FSTL4: variants seen among roughly 807,000 people sequenced by gnomAD.
FSTL4 encodes follistatin like 4, also known as follistatin-related protein 4.
Under a neutral mutation model 78.2 loss-of-function variants are expected in FSTL4, and 28 were observed. The observed-to-expected ratio is 0.36, with a 90% confidence interval of 0.27 to 0.49. The LOEUF (loss-of-function observed/expected upper bound fraction) is 0.49, where lower values mean the gene tolerates loss of function less well. Among genes scored for constraint, FSTL4 ranks in the 20% least tolerant of loss-of-function variants. The pLI, the probability that FSTL4 is intolerant of heterozygous loss-of-function variation, is 0.98. For synonymous variants in FSTL4, 422 were observed against 440.5 expected, an observed-to-expected ratio of 0.96 and a Z score of 0.53; for missense variants, 922 against 1,084.9, an observed-to-expected ratio of 0.85 and a Z score of 2.11.
At chr5:133,207,680 G>C (rs1750568720) in intron 14 of FSTL4, among the ~76,000 whole-genome samples, 1 of 152,168 alleles carries the variant, frequency 6.6e-6, no homozygotes, top group African/African-American at 2.4e-5. Context: ...GTCTCACTCT[G>C]TCACCCAGGC....
chr5:133,299,224 C>A (rs568036679), intron 6 of FSTL4, among the ~76,000 whole-genome samples: 2 of 152,294 alleles, frequency 1.3e-5, no homozygotes, highest in South Asian at 4.1e-4. Context: ...AGATCAATTA[C>A]CTCTCCTGAC....
At chr5:133,308,450 C>T (rs531893447) in intron 6 of FSTL4, among the ~76,000 whole-genome samples, 1 of 152,308 alleles carries the variant, frequency 6.6e-6, no homozygotes, top group East Asian at 1.9e-4. Context: ...TGTCTGAACT[C>T]ACCCTACCTA....
intron 8 of FSTL4, among the ~76,000 whole-genome samples, chr5:133,229,201 A>G (rs2126798912): frequency 6.6e-6 from 1 of 152,362 alleles, no homozygotes; most frequent in South Asian, 2.1e-4. Flanking sequence ...ATTAAGCCAT[A>G]TGTTTAATCT....
the FSTL4 span, among the ~76,000 whole-genome samples, chr5:133,806,092 T>C: frequency 1.2e-4 from 18 of 152,320 alleles, no homozygotes; most frequent in African/African-American, 4.3e-4. Flanking sequence ...AAACTCATCA[T>C]CTCTGGCCCG....
chr5:133,692,121 G>A, the FSTL4 span, among the ~76,000 whole-genome samples: 2 of 152,212 alleles, frequency 1.3e-5, no homozygotes. Context: ...CTGAAGAGGT[G>A]TTTTAAACTG....
chr5:133,509,857 C>T (rs544677935), intron 3 of FSTL4, among the ~76,000 whole-genome samples: 7 of 152,356 alleles, frequency 4.6e-5, no homozygotes, highest in Non-Finnish European at 1.0e-4. Context: ...TGCCCACTGA[C>T]CCAGAGCCTT....
chr5:133,714,903 G>A, the FSTL4 span, among the ~76,000 whole-genome samples: 1 of 152,260 alleles, frequency 6.6e-6, no homozygotes. Context: ...GTGAGCTCCA[G>A]AAATGAGACT....
At chr5:133,662,101 C>G in the FSTL4 span, among the ~76,000 whole-genome samples, 1 of 152,084 alleles carries the variant, frequency 6.6e-6, no homozygotes, top group Non-Finnish European at 1.5e-5. Flanking sequence ...TGAACTATAG[C>G]CAGTACATTT....
intron 14 of FSTL4, among the ~76,000 whole-genome samples, chr5:133,204,917 C>T (rs1750446417): frequency 6.6e-6 from 1 of 151,836 alleles, no homozygotes; most frequent in South Asian, 2.1e-4. Context: ...GTTGAATTTC[C>T]AGGAGCAGTT....
chr5:133,651,340 C>T, the FSTL4 span, among the ~76,000 whole-genome samples: 2,474 of 152,210 alleles, frequency 0.016, 69 homozygotes, highest in African/African-American at 0.056. Flanking sequence ...TTTCAAGTTT[C>T]TTGCTAAGTA....
chr5:133,255,022 C>T (rs761267543), intron 6 of FSTL4, among the ~76,000 whole-genome samples: 1 of 152,192 alleles, frequency 6.6e-6, no homozygotes, highest in Non-Finnish European at 1.5e-5. Context: ...AACGAGTGGT[C>T]CTTCTGGCTC....
chr5:133,761,190 A>G, the FSTL4 span, among the ~76,000 whole-genome samples: 1 of 152,202 alleles, frequency 6.6e-6, no homozygotes, highest in African/African-American at 2.4e-5. Context: ...AGAAAATACT[A>G]TTTGCTCAAT....
chr5:133,550,086 C>A, intron 3 of FSTL4, among the ~76,000 whole-genome samples: 1 of 152,294 alleles, frequency 6.6e-6, no homozygotes, highest in African/African-American at 2.4e-5. Context: ...ACTCTCAAAG[C>A]AAAAGTCTGC....
intron 4 of FSTL4, among the ~76,000 whole-genome samples, chr5:133,341,265 A>C (rs954324633): frequency 4.0e-5 from 6 of 151,766 alleles, no homozygotes; most frequent in Non-Finnish European, 8.8e-5. Context: ...AAGTAAAAAA[A>C]AAAAACGTGT....
chr5:133,327,856 C>G (rs1754253192), intron 4 of FSTL4, among the ~76,000 whole-genome samples: 1 of 152,204 alleles, frequency 6.6e-6, no homozygotes, highest in African/African-American at 2.4e-5. Flanking sequence ...CGTGTGGGTA[C>G]TCTAGCATCC....
chr5:133,631,433 C>G, the FSTL4 span, among the ~76,000 whole-genome samples: 4 of 152,112 alleles, frequency 2.6e-5, no homozygotes, highest in Non-Finnish European at 5.9e-5. Flanking sequence ...AAATGCAAAT[C>G]AAAACCACAA....
intron 4 of FSTL4, among the ~76,000 whole-genome samples, chr5:133,320,956 G>A (rs1005391100): frequency 5.2e-5 from 7 of 135,340 alleles, no homozygotes; most frequent in South Asian, 4.7e-4. Context: ...GCAGTGAGCC[G>A]AGATCACGCC....
At chr5:133,832,071 A>G in the FSTL4 span, among the ~76,000 whole-genome samples, 1 of 152,150 alleles carries the variant, frequency 6.6e-6, no homozygotes, top group South Asian at 2.1e-4. Flanking sequence ...TTATTTACTC[A>G]GTGGCTTACT....
At chr5:133,217,927 G>A (rs1452773653) in intron 12 of FSTL4, among the ~76,000 whole-genome samples, 1 of 152,098 alleles carries the variant, frequency 6.6e-6, no homozygotes. Context: ...GGGTGTCCAG[G>A]GTTCACGCCT....
Sources: allele counts gnomAD v4.1 joint callset (sites outside exome capture counted in the v4.1 genomes callset), GRCh38; gene constraint gnomAD v4.1.1; transcripts MANE v1.5; gene names NCBI Gene and HGNC (gene_info 2026-07-23, HGNC 2026-07-21).